Variants in MYH11 observed in about 807,000 individuals in gnomAD.
The protein encoded by MYH11 is myosin-11.
In MYH11, 80 loss-of-function variants were observed where a neutral mutation model predicts 246.6. The observed-to-expected ratio is 0.32, with a 90% CI of 0.27 to 0.39. MYH11 has a LOEUF of 0.39. MYH11 is among the 10% of genes least tolerant of loss of function. MYH11 has a pLI of 1.00. For synonymous variants in MYH11, 1,071 were observed against 1,015.5 expected, an observed-to-expected ratio of 1.05 and a Z score of -1.04; for missense variants, 2,158 against 2,546.8, an observed-to-expected ratio of 0.85 and a Z score of 3.29.
In MYH11 at chr16:15,838,159, C is replaced by A; in HGVS notation, c.94G>T (p.Ala32Ser). The change falls in exon 2 of 41, where the codon GCC (alanine) becomes TCC (serine). Residue 32 changes from alanine (A) to serine (S), a missense_variant. By Grantham distance (99) the Ala-to-Ser change is moderately conservative (BLOSUM62 1). Around this residue, in one of 11 missense-constraint regions of MYH11, gnomAD observed 96 missense variants for 91.9 expected, o/e 1.04. Transcript: ENST00000300036. ...GAGGGGACCCAGACGAGTCTCTTGG[C>A]GGCCCAGTCAGCCTGGGCCACTGGG... ...NSPVAQADWA[A>S]KRLVWVPSEK... 6.2e-7 allele frequency: 1 copy of A among 1,614,106 alleles called. No homozygotes were observed. The highest frequency in any genetic ancestry group is 1.1e-5 in the South Asian group (1 of 91,084).
intron 38 of MYH11, 49 bp downstream of exon 38, chr16:15,717,091 T>C: frequency 6.3e-7 from 1 of 1,589,822 alleles, no homozygotes; most frequent in Non-Finnish European, 8.6e-7. Context: ...TGACTCCTGC[T>C]GTCCATCACC....
At chr16:15,793,785 A>T (rs1255057217) in intron 4 of MYH11, among the ~76,000 whole-genome samples, 2 of 145,880 alleles carry the variant, frequency 1.4e-5, no homozygotes, top group Non-Finnish European at 3.0e-5. Flanking sequence ...ATGCCCGGCT[A>T]ATTTTTTTGT....
chr16:15,815,654 C>A (rs1327129069), intron 3 of MYH11, among the ~76,000 whole-genome samples: 1 of 152,100 alleles, frequency 6.6e-6, no homozygotes, highest in Non-Finnish European at 1.5e-5. Context: ...TTTGTGGACA[C>A]ACGTTTATAG....
At chr16:15,800,380 G>C (rs1296328785) in intron 3 of MYH11, among the ~76,000 whole-genome samples, 2 of 151,762 alleles carry the variant, frequency 1.3e-5, no homozygotes, top group African/African-American at 4.8e-5. Context: ...GGGTGGGTAG[G>C]TGGACGAATA....
Position 15,714,883 on chromosome 16 carries a change from GTCCTCCCGGGCCACGGGC to G in MYH11, c.5786+8_5786+25del. ...GCTTTTCTCTGGCCTGAGAGACGGG[GTCCTCCCGGGCCACGGGC>G]TCCTCACCTGAGCTTGCTCTTGAGT... On this transcript the variant is annotated splice_region_variant and intron_variant, in intron 40 of 40. Transcript: ENST00000300036. The G allele has an allele frequency of 6.2e-7, 1 of 1,612,310 alleles. No individual in the cohort carries two copies. The highest frequency in any genetic ancestry group is 8.5e-7 in the Non-Finnish European group (1 of 1,179,928).
Position 15,726,979 on chromosome 16 carries a change from G to A in MYH11, c.3727C>T (p.Leu1243=), listed in dbSNP as rs772805007. The A allele has an allele frequency of 6.2e-7, 1 of 1,611,894 alleles. No individual in the cohort carries two copies. The highest frequency in any genetic ancestry group is 8.5e-7 in the Non-Finnish European group (1 of 1,178,826). The change falls in exon 28 of 41, where the codon CTG becomes TTG. Residue 1243 remains leucine, a synonymous_variant. Coordinates refer to ENST00000300036, the MANE Select transcript of MYH11 (RefSeq NM_002474.3). ...NADLAGELRV[L]GQAKQEVEHK... ...TCCACCTCCTGCTTGGCCTGGCCCA[G>A]GACCCGCAGCTCCCCGGCCAGGTCT... is the stretch of plus-strand genomic sequence containing the variant.
intron 10 of MYH11, among the ~76,000 whole-genome samples, chr16:15,762,812 GCT>G (rs2041899584): frequency 3.9e-5 from 6 of 152,174 alleles, no homozygotes; most frequent in Admixed American, 3.9e-4. Flanking sequence ...TGATTAATTG[GCT>G]CTGTCTAGGC....
At chr16:15,707,225 C>T (rs996322966) in intron 40 of MYH11, among the ~76,000 whole-genome samples, 7 of 152,166 alleles carry the variant, frequency 4.6e-5, no homozygotes, top group East Asian at 1.9e-4. Flanking sequence ...TTAGGAGAGA[C>T]GGGGTTTTAC....
At chr16:15,852,865 A>G (rs9933091) in intron 1 of MYH11, among the ~76,000 whole-genome samples, 28,794 of 152,092 alleles carry the variant, frequency 0.19, 3,352 homozygotes, top group East Asian at 0.43. Context: ...AAGTTGGGGA[A>G]CCAGGATTAG....
intron 1 of MYH11, among the ~76,000 whole-genome samples, chr16:15,845,709 A>T (rs558534507): frequency 0.013 from 1,953 of 149,956 alleles, 49 homozygotes; most frequent in African/African-American, 0.043. Context: ...TGTGTGTGTG[A>T]GAGAGAGAGA....
At chr16:15,718,020 C>T (rs1003760550) in intron 37 of MYH11, 11 of 499,864 alleles carry the variant, frequency 2.2e-5, no homozygotes, top group South Asian at 1.1e-4. Context: ...TAGGGGAAAA[C>T]GCAATGAAAG....
At chr16:15,835,032 G>A (rs1049375927) in intron 2 of MYH11, among the ~76,000 whole-genome samples, 4 of 146,736 alleles carry the variant, frequency 2.7e-5, no homozygotes, top group Admixed American at 1.4e-4. Context: ...ACTGAGCTAC[G>A]ATAGAACCAC....
Position 15,837,893 on chromosome 16 carries a change from G to A in MYH11, c.345+15C>T, listed in dbSNP as rs750374994. ...TGAGGCCAGGAGTAGGTACCTGGCT[G>A]CCTGCAATACTCACATATATTAGCC... On this transcript the variant is annotated intron_variant, in intron 2 of 40. Transcript: ENST00000300036. The A allele has an allele frequency of 7.5e-6, 12 of 1,609,092 alleles. No individual in the cohort carries two copies. In the South Asian group the frequency reaches 1.2e-4, roughly 16 times the overall value.
intron 3 of MYH11, among the ~76,000 whole-genome samples, chr16:15,804,841 T>G (rs979946014): frequency 2.0e-5 from 3 of 152,250 alleles, no homozygotes; most frequent in Admixed American, 6.5e-5. Flanking sequence ...CCAGACTTTA[T>G]GCCTATTTGT....
intron 4 of MYH11, among the ~76,000 whole-genome samples, 194 bp downstream of exon 4, chr16:15,798,466 C>T (rs971919051): frequency 3.9e-5 from 6 of 152,034 alleles, no homozygotes; most frequent in South Asian, 2.1e-4. Context: ...TGCCTGCCTC[C>T]GCAGAAGACC....
At chr16:15,717,910 A>G (rs1244907154) in intron 37 of MYH11, 1 of 315,390 alleles carries the variant, frequency 3.2e-6, no homozygotes, top group Non-Finnish European at 6.1e-6. Flanking sequence ...ACCCTACACC[A>G]CAAGGGGCTG....
At chr16:15,794,188 C>T (rs1301676118) in intron 4 of MYH11, among the ~76,000 whole-genome samples, 3 of 152,014 alleles carry the variant, frequency 2.0e-5, no homozygotes, top group Middle Eastern at 3.4e-3. Context: ...CCTCGTGATC[C>T]GCCCGCCTCG....
Position 15,741,845 on chromosome 16 carries a change from G to A in MYH11, c.2567C>T (p.Ala856Val), listed in dbSNP as rs1322351885. Residue 856 changes from alanine to valine, a missense_variant, in exon 21 of 41, where the codon GCC becomes GTC. Physicochemically the swap from Ala to Val is moderately conservative, Grantham distance 64. Transcript: ENST00000300036. ...GGTCTTCTGCAGTTCATCCTCCTTG[G>A]CCTGCATCTCCTCCTCCTGCCGTGT... ...QVTRQEEEMQ[A>V]KEDELQKTKE... 2 of 1,614,106 alleles carry A rather than the reference G, an allele frequency of 1.2e-6. No individual in the cohort carries two copies. The highest frequency in any genetic ancestry group is 1.7e-6 in the Non-Finnish European group (2 of 1,180,040).
intron 3 of MYH11, among the ~76,000 whole-genome samples, chr16:15,806,515 A>G (rs1488073588): frequency 6.6e-6 from 1 of 152,190 alleles, no homozygotes; most frequent in Non-Finnish European, 1.5e-5. Context: ...CAATGGCTGC[A>G]TAACCATGTA....
Sources: gnomAD v4.1 joint callset for allele counts (sites outside exome capture counted in the v4.1 genomes callset) on GRCh38, gnomAD v4.1.1 for gene constraint, gnomAD v4.1.1 regional missense constraint, MANE v1.5 for transcripts, NCBI Gene and HGNC (gene_info 2026-07-23, HGNC 2026-07-21) for gene names.